Variants in HACD2 observed in about 807,000 individuals in gnomAD.
HACD2 encodes the protein 3-hydroxyacyl-CoA dehydratase 2.
HACD2 carries 15 observed loss-of-function variants against 31.0 expected under a neutral mutation model. The observed-to-expected ratio is 0.48, with a 90% CI of 0.32 to 0.75. The LOEUF (loss-of-function observed/expected upper bound fraction) is 0.75. Among genes scored for constraint, HACD2 ranks in the 30% least tolerant of loss-of-function variants. The probability of loss-of-function intolerance (pLI) is 0.03; values close to 1 mark genes in which losing one functional copy is unlikely to be tolerated. For synonymous variants in HACD2, 115 were observed against 122.2 expected, an observed-to-expected ratio of 0.94 and a Z score of 0.39; for missense variants, 283 against 313.0, an observed-to-expected ratio of 0.90 and a Z score of 0.72.
chr3:123,517,662 G>A (rs2056155011), intron 4 of HACD2, among the ~76,000 whole-genome samples: 1 of 152,186 alleles, frequency 6.6e-6, no homozygotes, highest in South Asian at 2.1e-4. Flanking sequence ...CAACACTCCA[G>A]AGGGGAGAAG....
intron 3 of HACD2, among the ~76,000 whole-genome samples, chr3:123,538,806 A>G (rs1201608665): frequency 6.6e-6 from 1 of 152,228 alleles, no homozygotes; most frequent in Non-Finnish European, 1.5e-5. Flanking sequence ...TTGTGATGTT[A>G]CTGTTCTTTA....
rs560791985 is a variant in HACD2, at chr3:123,518,840, T to C, written c.381+9546A>G. 2.0e-5 allele frequency among the ~76,000 whole-genome samples: 3 copies of C among 151,726 alleles called. No individual in the cohort carries two copies. The South Asian group carries it at 6.3e-4, about 32-fold the overall frequency. The stretch of plus-strand genomic sequence containing the variant: ...GTGAAACCCCATCTCTACTAAAAAA[T>C]ACAAAAATTAGCCAGTGTTGTGGTG... On this transcript the variant is annotated intron_variant, in intron 4 of 6. Coordinates refer to ENST00000383657, the MANE Select transcript of HACD2 (RefSeq NM_198402.5).
intron 3 of HACD2, chr3:123,543,852 T>C (rs992137377): frequency 2.7e-5 from 5 of 182,736 alleles, no homozygotes; most frequent in Non-Finnish European, 5.9e-5. Context: ...AATTTATTTG[T>C]CTAATAAGTA....
intron 2 of HACD2, among the ~76,000 whole-genome samples, chr3:123,575,625 T>C (rs929722853): frequency 5.3e-5 from 8 of 152,210 alleles, no homozygotes; most frequent in Non-Finnish European, 1.2e-4. Flanking sequence ...AGTTAAATAA[T>C]CTTTGGTAAG....
In HACD2 at chr3:123,567,846, T is replaced by C. The variant is rs139213611; in HGVS notation, c.274-66A>G. 2.8e-4 allele frequency: 294 copies of C among 1,054,716 alleles called. No homozygotes were observed. The African/African-American group carries it at 3.9e-3, about 14-fold the overall frequency. The allele number at this position is 1,054,716 out of a possible 1,614,324, so 65.3% of individuals were successfully genotyped here. ...ATCAAGATATTAAAGTTTTATTTCA[T>C]ATAAACTAATGTTTCAGTAAGAATA... On this transcript the variant is annotated intron_variant, in intron 2 of 6. Transcript: ENST00000383657.
intron 4 of HACD2, among the ~76,000 whole-genome samples, chr3:123,526,583 T>C (rs763905218): frequency 5.3e-5 from 8 of 151,878 alleles, no homozygotes; most frequent in African/African-American, 1.9e-4. Flanking sequence ...TTAGCAGAAA[T>C]TGAGTCACTC....
intron 4 of HACD2, among the ~76,000 whole-genome samples, chr3:123,504,853 T>C (rs938185281): frequency 6.7e-6 from 1 of 149,344 alleles, no homozygotes; most frequent in African/African-American, 2.5e-5. Context: ...ATGTGATTTA[T>C]AGATAATTAT....
intron 3 of HACD2, among the ~76,000 whole-genome samples, chr3:123,535,715 G>C (rs2056417615): frequency 6.6e-6 from 1 of 152,192 alleles, no homozygotes; most frequent in Non-Finnish European, 1.5e-5. Flanking sequence ...CATCCATGCT[G>C]AGCCTTCCAG....
chr3:123,535,301 A>G (rs2056411780), intron 3 of HACD2, among the ~76,000 whole-genome samples: 1 of 152,252 alleles, frequency 6.6e-6, no homozygotes, highest in South Asian at 2.1e-4. Context: ...CTTATAGCCT[A>G]GAAGCAACAA....
intron 3 of HACD2, among the ~76,000 whole-genome samples, chr3:123,549,751 A>AAAC (rs368931168): frequency 1.2e-4 from 18 of 152,212 alleles, no homozygotes; most frequent in African/African-American, 3.9e-4. Flanking sequence ...CTGTCTCCAA[A>AAAC]AACAACAACA....
At chr3:123,508,413 T>C (rs1367436360) in intron 4 of HACD2, among the ~76,000 whole-genome samples, 1 of 152,138 alleles carries the variant, frequency 6.6e-6, no homozygotes, top group African/African-American at 2.4e-5. Flanking sequence ...GAGAAACAAA[T>C]GGGTGCAAGA....
At position 123,584,880 on chromosome 3, in the gene HACD2, T is replaced by G; in HGVS notation, c.148A>C (p.Thr50Pro). The part of the protein sequence containing the change: ...AYLVIYNVVM[T>P]AGWLVIAVGL... ...CCCGAGCCCCAGCCTCACCCGGCTGTCATCACCACATTGTAGATGACCAGG... is the reference window on the plus strand; with the variant it reads ...CCCGAGCCCCAGCCTCACCCGGCTGGCATCACCACATTGTAGATGACCAGG... The change falls in exon 1 of 7, where the codon ACA becomes CCA. Residue 50 changes from threonine (T) to proline (P), a missense_variant. Physicochemically the swap from Thr to Pro is conservative, Grantham distance 38. Transcript: ENST00000383657. The G allele has an allele frequency of 6.6e-7, 1 of 1,510,446 alleles. No individual in the cohort carries two copies. The highest frequency in any genetic ancestry group is 8.9e-7 in the Non-Finnish European group (1 of 1,129,754). The allele number at this position is 1,510,446 out of a possible 1,614,324, so 93.6% of individuals were successfully genotyped here.
intron 2 of HACD2, among the ~76,000 whole-genome samples, chr3:123,571,158 CAG>C (rs1226285949): frequency 5.9e-5 from 9 of 152,112 alleles, no homozygotes; most frequent in African/African-American, 2.2e-4. Flanking sequence ...ACAGAATGTG[CAG>C]AGAGAATAAA....
chr3:123,539,412 A>C (rs1239060253), intron 3 of HACD2, among the ~76,000 whole-genome samples: 1 of 151,910 alleles, frequency 6.6e-6, no homozygotes, highest in Non-Finnish European at 1.5e-5. Context: ...TCTACTAAAA[A>C]TACAAAAATT....
At chr3:123,576,541 T>A (rs1322271121) in intron 2 of HACD2, among the ~76,000 whole-genome samples, 2 of 152,232 alleles carry the variant, frequency 1.3e-5, no homozygotes, top group African/African-American at 4.8e-5. Context: ...TTGCTCTTGC[T>A]AGCTTTTCAA....
rs963962068 is a variant in HACD2 at position 123,582,457 on chromosome 3, T to C, written c.156-128A>G. The C allele has an allele frequency of 3.0e-5, 16 of 532,112 alleles. No individual in the cohort carries two copies. The African/African-American group carries it at 3.1e-4, about 10-fold the overall frequency. The allele number at this position is 532,112 out of a possible 1,614,324, so 33.0% of individuals were successfully genotyped here. ...CTCAAGCATGAGTAACCTGGATTTATGGACGATAGCTCTCAAATGCCAAGC... is the reference window on the plus strand; with the variant it reads ...CTCAAGCATGAGTAACCTGGATTTACGGACGATAGCTCTCAAATGCCAAGC... On this transcript the variant is annotated intron_variant, in intron 1 of 6. Transcript: ENST00000383657.
intron 6 of HACD2, 99 bp downstream of exon 6, chr3:123,500,416 C>T (rs113744944): frequency 1.1e-5 from 8 of 755,986 alleles, no homozygotes; most frequent in African/African-American, 7.1e-5. Flanking sequence ...ATGAGATTTA[C>T]ATTTACTTGG....
chr3:123,547,101 G>A (rs184499970), intron 3 of HACD2, among the ~76,000 whole-genome samples: 2 of 152,190 alleles, frequency 1.3e-5, no homozygotes, highest in Non-Finnish European at 2.9e-5. Context: ...TCAATGTCAG[G>A]TCAAGATCTA....
intron 4 of HACD2, among the ~76,000 whole-genome samples, chr3:123,520,328 A>G (rs975666521): frequency 6.6e-6 from 1 of 152,264 alleles, no homozygotes; most frequent in Non-Finnish European, 1.5e-5. Context: ...CACATAAGAT[A>G]AAATATATGA....
Sources: gnomAD v4.1 joint callset for allele counts (sites outside exome capture counted in the v4.1 genomes callset) on GRCh38, gnomAD v4.1.1 for gene constraint, MANE v1.5 for transcripts, NCBI Gene and HGNC (gene_info 2026-07-23, HGNC 2026-07-21) for gene names.